LRRC37A2: variants seen among roughly 807,000 people sequenced by gnomAD.
LRRC37A2 encodes the protein leucine-rich repeat-containing protein 37A2.
LRRC37A2 carries 9 observed loss-of-function variants against 68.8 expected under a neutral mutation model. The observed-to-expected ratio is 0.13, with a 90% CI of 0.08 to 0.23. The LOEUF is 0.23. LRRC37A2 is among the 10% of genes least tolerant of loss of function. The pLI is 1.00. For missense variants in LRRC37A2, 168 were observed against 950.4 expected, an observed-to-expected ratio of 0.18 and a Z score of 10.82; for synonymous variants, 63 against 367.6, an observed-to-expected ratio of 0.17 and a Z score of 9.48.
chr17:46,781,205 G>A, the LRRC37A2 span, among the ~76,000 whole-genome samples: 9 of 145,206 alleles, frequency 6.2e-5, no homozygotes, highest in Admixed American at 2.8e-4. Flanking sequence ...CAGCTTGGGC[G>A]ACAGAGCAAG....
the LRRC37A2 span, among the ~76,000 whole-genome samples, chr17:46,910,618 T>G: frequency 6.6e-6 from 1 of 152,140 alleles, no homozygotes; most frequent in Non-Finnish European, 1.5e-5. Context: ...TGATTATGTG[T>G]GGAAAGTCAA....
the LRRC37A2 span, among the ~76,000 whole-genome samples, chr17:46,864,979 G>T: frequency 6.6e-6 from 1 of 152,154 alleles, no homozygotes; most frequent in Non-Finnish European, 1.5e-5. Flanking sequence ...TGTACATTTG[G>T]ACTCAGCCTA....
At chr17:46,840,471 T>C in the LRRC37A2 span, among the ~76,000 whole-genome samples, 14 of 152,228 alleles carry the variant, frequency 9.2e-5, no homozygotes, top group Non-Finnish European at 1.6e-4. Context: ...AATAAACATA[T>C]GTGTGCATGT....
the LRRC37A2 span, among the ~76,000 whole-genome samples, chr17:46,695,021 C>T: frequency 1.9e-5 from 2 of 107,772 alleles, no homozygotes; most frequent in African/African-American, 8.4e-5. Flanking sequence ...CTGAGGCGGG[C>T]GGATCACAAG....
At chr17:46,757,726 C>T in the LRRC37A2 span, among the ~76,000 whole-genome samples, 7 of 151,654 alleles carry the variant, frequency 4.6e-5, no homozygotes, top group East Asian at 1.9e-4. Flanking sequence ...ATGCCTGGCA[C>T]GGTGGCTCAT....
At chr17:46,746,675 G>C in the LRRC37A2 span, among the ~76,000 whole-genome samples, 1 of 151,942 alleles carries the variant, frequency 6.6e-6, no homozygotes, top group Non-Finnish European at 1.5e-5. Flanking sequence ...GTTTTTCTTT[G>C]TAAAGACAGG....
chr17:46,610,027 T>TTCTC, the LRRC37A2 span, among the ~76,000 whole-genome samples: 853 of 109,416 alleles, frequency 7.8e-3, 115 homozygotes, highest in Middle Eastern at 0.035. Context: ...CTTTCTTTCT[T>TTCTC]TCTCTCTCTC....
At chr17:47,038,455 A>AC in the LRRC37A2 span, among the ~76,000 whole-genome samples, 2 of 151,518 alleles carry the variant, frequency 1.3e-5, no homozygotes, top group Non-Finnish European at 2.9e-5. Context: ...ATCTCTAAAA[A>AC]TTTTTTTTAG....
At chr17:46,895,011 GA>G in the LRRC37A2 span, among the ~76,000 whole-genome samples, 993 of 152,350 alleles carry the variant, frequency 6.5e-3, 13 homozygotes, top group Non-Finnish European at 1.0e-2. Context: ...AGCCACTGGA[GA>G]GCCGGCCGGA....
chr17:47,000,074 T>A, the LRRC37A2 span, among the ~76,000 whole-genome samples: 14 of 64,474 alleles, frequency 2.2e-4, 2 homozygotes, highest in Middle Eastern at 8.3e-3. Flanking sequence ...TAAAATAAAA[T>A]AAAAAATAAA....
the LRRC37A2 span, chr17:46,923,227 G>A: frequency 6.4e-7 from 1 of 1,551,032 alleles, no homozygotes; most frequent in African/African-American, 1.4e-5. Context: ...CACAAGTGAG[G>A]GCCGGTCGGG....
the LRRC37A2 span, among the ~76,000 whole-genome samples, chr17:46,457,879 A>T: frequency 3.4e-5 from 2 of 59,012 alleles, no homozygotes; most frequent in Middle Eastern, 0.01. Context: ...TGACATATAT[A>T]TGTGGGTGTA....
chr17:46,911,822 G>T, the LRRC37A2 span, among the ~76,000 whole-genome samples: 1 of 152,198 alleles, frequency 6.6e-6, no homozygotes, highest in East Asian at 1.9e-4. Context: ...GGCAGAGGTT[G>T]CAGTAAGCCG....
the LRRC37A2 span, among the ~76,000 whole-genome samples, chr17:46,777,456 G>C: frequency 6.6e-6 from 1 of 152,320 alleles, no homozygotes; most frequent in South Asian, 2.1e-4. Context: ...CCTGAGCTCT[G>C]GCACACTGCC....
chr17:46,976,334 A>G, the LRRC37A2 span, among the ~76,000 whole-genome samples: 1 of 150,778 alleles, frequency 6.6e-6, no homozygotes, highest in African/African-American at 2.4e-5. Context: ...GGAGTTCGAC[A>G]CCAGCCTGGC....
At chr17:46,503,396 GAT>G in the LRRC37A2 span, among the ~76,000 whole-genome samples, 1 of 147,576 alleles carries the variant, frequency 6.8e-6, no homozygotes. Context: ...AAAAGAATAA[GAT>G]ATGTTTTCCT....
At chr17:46,728,859 C>A in the LRRC37A2 span, 1 of 1,598,870 alleles carries the variant, frequency 6.3e-7, no homozygotes, top group Non-Finnish European at 8.5e-7. Flanking sequence ...TTCCAGATTA[C>A]GTCCCTATTG....
At chr17:46,543,296 T>C in intron 8 of LRRC37A2, among the ~76,000 whole-genome samples, 1 of 150,532 alleles carries the variant, frequency 6.6e-6, no homozygotes, top group Non-Finnish European at 1.5e-5. Flanking sequence ...CTTTCATGTG[T>C]ATTGAAAAAT....
At chr17:47,035,302 A>G in the LRRC37A2 span, among the ~76,000 whole-genome samples, 3 of 152,228 alleles carry the variant, frequency 2.0e-5, no homozygotes, top group Non-Finnish European at 1.5e-5. Context: ...AAAACATGGT[A>G]CCCATTAGCC....
Sources: allele counts gnomAD v4.1 joint callset (sites outside exome capture counted in the v4.1 genomes callset), GRCh38; gene constraint gnomAD v4.1.1; transcripts MANE v1.5; gene names NCBI Gene and HGNC (gene_info 2026-07-23, HGNC 2026-07-21).